GALNT2: variants seen among roughly 807,000 people sequenced by gnomAD.
GALNT2 encodes polypeptide N-acetylgalactosaminyltransferase 2.
GALNT2 carries 31 observed loss-of-function variants against 81.4 expected under a neutral mutation model. That is an observed-to-expected ratio of 0.38 (90% CI 0.29 to 0.51). GALNT2 has a LOEUF of 0.51. GALNT2 is among the 20% of genes least tolerant of loss of function. The pLI, the probability that GALNT2 is intolerant of heterozygous loss-of-function variation, is 0.87. For missense variants in GALNT2, 629 were observed against 765.7 expected (o/e 0.82, Z 2.11); for synonymous variants, 303 against 287.4 (o/e 1.05, Z -0.55).
chr1:230,190,156 C>T (rs760677316), intron 2 of GALNT2, among the ~76,000 whole-genome samples: 1 of 152,218 alleles, frequency 6.6e-6, no homozygotes, highest in African/African-American at 2.4e-5. Context: ...TTTTAAAAAG[C>T]AAGCAATGTG....
At chr1:230,203,108 A>C (rs1663952147) in intron 2 of GALNT2, 29 bp from the exon 3 acceptor site, 1 of 1,594,528 alleles carries the variant, frequency 6.3e-7, no homozygotes, top group Non-Finnish European at 8.6e-7. Context: ...ATTTTCCCTC[A>C]TCCCTACCCT....
Position 230,203,286 on chromosome 1 carries a change from G to A in GALNT2, c.370G>A (p.Asp124Asn), listed in dbSNP as rs1411780938. ...CAGAGCCATCCCTGACACCCGGCAT[G>A]ACCAGTAAGTACCCCACTAAGCACC... ...MDRAIPDTRHDQCQRKQWRVD... is the reference protein window; with the variant it reads ...MDRAIPDTRHNQCQRKQWRVD... The change falls in exon 3 of 16, where the codon GAC becomes AAC. Residue 124 changes from aspartate to asparagine, a missense_variant. Around this residue, in one of 3 missense-constraint regions of GALNT2, gnomAD observed 360 missense variants for 492.8 expected, o/e 0.73. Coordinates refer to ENST00000366672, the MANE Select transcript of GALNT2 (RefSeq NM_004481.5). 1.9e-6 allele frequency: 3 copies of A among 1,613,832 alleles called. No homozygotes were observed. The highest frequency in any genetic ancestry group is 3.3e-5 in the Admixed American group (2 of 59,972).
At chr1:230,132,076 T>TC (rs1236542683) in intron 1 of GALNT2, among the ~76,000 whole-genome samples, 1 of 112,944 alleles carries the variant, frequency 8.9e-6, no homozygotes, top group Non-Finnish European at 2.1e-5. Context: ...GCCTTTTTCC[T>TC]CTTCTTCTTC....
At chr1:230,202,323 C>T (rs1041617952) in intron 2 of GALNT2, among the ~76,000 whole-genome samples, 1 of 152,186 alleles carries the variant, frequency 6.6e-6, no homozygotes, top group Non-Finnish European at 1.5e-5. Flanking sequence ...ATCCTGACTT[C>T]ACTCGCCTAG....
intron 1 of GALNT2, among the ~76,000 whole-genome samples, chr1:230,081,603 T>G (rs971883982): frequency 6.6e-6 from 1 of 152,238 alleles, no homozygotes; most frequent in Non-Finnish European, 1.5e-5. Flanking sequence ...GACAAATTAA[T>G]AATTGTGGCA....
chr1:230,158,632 G>A (rs1316542480), intron 1 of GALNT2, among the ~76,000 whole-genome samples: 1 of 152,192 alleles, frequency 6.6e-6, no homozygotes, highest in Admixed American at 6.5e-5. Flanking sequence ...TGGGACAGAA[G>A]GCCTGGGGCT....
rs184324521 is a variant in GALNT2 at position 230,178,736 on chromosome 1, A to G, written c.220+425A>G. 1.5e-3 allele frequency among the ~76,000 whole-genome samples: 223 copies of G among 151,996 alleles called. 1 individual carries two copies. The highest frequency in any genetic ancestry group is 5.3e-3 in the African/African-American group (218 of 41,436). On this transcript the variant is annotated intron_variant, in intron 2 of 15. Coordinates refer to ENST00000366672, the MANE Select transcript of GALNT2 (RefSeq NM_004481.5). ...TCAGTATCCCCCAACAGAGTGGTAC[A>G]TTTGTTACAATCCATGAACCTGCAT...
At chr1:230,078,135 G>A (rs191543346) in intron 1 of GALNT2, among the ~76,000 whole-genome samples, 33 of 152,302 alleles carry the variant, frequency 2.2e-4, no homozygotes, top group Admixed American at 3.9e-4. Flanking sequence ...TCTTTTTCTC[G>A]TGTGTCACAT....
intron 1 of GALNT2, among the ~76,000 whole-genome samples, chr1:230,087,202 T>G (rs1400615546): frequency 6.6e-6 from 1 of 152,116 alleles, no homozygotes; most frequent in Non-Finnish European, 1.5e-5. Context: ...CAGTGCACAC[T>G]CTCCCCATAG....
intron 15 of GALNT2, among the ~76,000 whole-genome samples, chr1:230,276,163 A>G (rs1291602278): frequency 2.0e-5 from 3 of 152,020 alleles, no homozygotes; most frequent in African/African-American, 7.3e-5. Context: ...ATATATACAT[A>G]TATACACACA....
At chr1:230,101,805 G>A (rs896376652) in intron 1 of GALNT2, among the ~76,000 whole-genome samples, 27 of 152,188 alleles carry the variant, frequency 1.8e-4, no homozygotes, top group African/African-American at 6.0e-4. Flanking sequence ...AAACGTATAA[G>A]ATGGCCTCCT....
chr1:230,176,223 AGG>A (rs1172655323), intron 1 of GALNT2, among the ~76,000 whole-genome samples: 2 of 152,160 alleles, frequency 1.3e-5, no homozygotes, highest in Non-Finnish European at 2.9e-5. Context: ...GGAAGGAAGA[AGG>A]GAGGGTGAGG....
rs1245134286 is a variant in GALNT2 at position 230,181,558 on chromosome 1, CT to C, written c.220+3260del. 3.4e-3 allele frequency among the ~76,000 whole-genome samples: 488 copies of C among 142,760 alleles called. 1 individual carries two copies. Among genetic ancestry groups the C allele is most frequent in the South Asian group, 0.01 (45 of 4,474 alleles). 93.7% of individuals were successfully genotyped at this position (142,760 alleles called of 152,430 possible). A position where few individuals can be genotyped will look rare whatever the true frequency, so the allele number is the denominator to read the frequency against. On this transcript the variant is annotated intron_variant, in intron 2 of 15. Transcript: ENST00000366672. ...GCTATTAATCAGTACCTTTCGTTTC[CT>C]TTTTTTTTTTTTAGAGACAGGGTTT...
chr1:230,272,616 T>C (rs1386148620), intron 14 of GALNT2, among the ~76,000 whole-genome samples: 1 of 151,996 alleles, frequency 6.6e-6, no homozygotes, highest in Non-Finnish European at 1.5e-5. Context: ...TTCAGACAGG[T>C]GAAGGTGTCT....
In GALNT2 at chr1:230,263,333, C is replaced by T. The variant is rs115406332; in HGVS notation, c.1313+328C>T. 682 of 307,632 alleles carry T rather than the reference C, an allele frequency of 2.2e-3. 8 individuals are homozygous for T. Among genetic ancestry groups the T allele is most frequent in the African/African-American group, 0.014 (649 of 46,860 alleles). The allele number at this position is 307,632 out of a possible 1,614,324, so 19.1% of individuals were successfully genotyped here. ...AAGGACTGGTGTCTGACAGGCTCTTCGAGTGACCAGGAGCAGTCCCCAGCC... is the reference window on the plus strand; with the variant it reads ...AAGGACTGGTGTCTGACAGGCTCTTTGAGTGACCAGGAGCAGTCCCCAGCC... On this transcript the variant is annotated intron_variant, in intron 13 of 15. Coordinates refer to ENST00000366672, the MANE Select transcript of GALNT2 (RefSeq NM_004481.5).
chr1:230,243,444 T>TG lies in GALNT2; in HGVS notation c.729+20dup. On this transcript the variant is annotated intron_variant, in intron 7 of 15. Coordinates refer to ENST00000366672, the MANE Select transcript of GALNT2 (RefSeq NM_004481.5). The surrounding 1 kb of genome is among the most constrained non-coding windows in gnomAD (Gnocchi z 4.2). ...GTGGCGGAGGTGAGATGACGGGGGC[T>TG]GGGAGGGGTGTCAGGTCGTGGGTGG... 1 of 1,608,050 alleles carries TG rather than the reference T, an allele frequency of 6.2e-7. No individual in the cohort carries two copies. Among genetic ancestry groups the TG allele is most frequent in the Non-Finnish European group, 8.5e-7 (1 of 1,179,302 alleles).
Position 230,197,991 on chromosome 1 carries a change from G to A in GALNT2, c.221-5146G>A, listed in dbSNP as rs143804234. ...AAAAAATGCCTGCAAACGAGCGAAA[G>A]AGGCGTAGGAGTAAGCGTCCGGCGC... On this transcript the variant is annotated intron_variant, in intron 2 of 15. Transcript: ENST00000366672. Among the ~76,000 whole-genome samples, 1,492 of 152,330 alleles carry A rather than the reference G, an allele frequency of 9.8e-3. 12 individuals are homozygous for A. The highest frequency in any genetic ancestry group is 0.027 in the Middle Eastern group (8 of 294).
intron 1 of GALNT2, among the ~76,000 whole-genome samples, chr1:230,142,879 C>G (rs1354785101): frequency 6.6e-6 from 1 of 152,192 alleles, no homozygotes; most frequent in African/African-American, 2.4e-5. Flanking sequence ...CAGATGCTCT[C>G]TATGTGAGAA....
At chr1:230,179,024 T>C (rs1052427542) in intron 2 of GALNT2, among the ~76,000 whole-genome samples, 1 of 151,412 alleles carries the variant, frequency 6.6e-6, no homozygotes, top group Admixed American at 6.6e-5. Context: ...ATAGGGTATG[T>C]CAGCTTTTCA....
Sources: allele counts gnomAD v4.1 joint callset (sites outside exome capture counted in the v4.1 genomes callset), GRCh38; gene constraint gnomAD v4.1.1; regional missense constraint gnomAD v4.1.1; non-coding constraint Gnocchi (gnomAD v3.1); transcripts MANE v1.5; gene names NCBI Gene and HGNC (gene_info 2026-07-23, HGNC 2026-07-21).